Variants in SYNE1 observed in about 807,000 individuals in gnomAD.
The protein encoded by SYNE1 is spectrin repeat containing nuclear envelope protein 1.
SYNE1 carries 616 observed loss-of-function variants against 1,111.0 expected under a neutral mutation model. That is an observed-to-expected ratio of 0.55 (90% CI 0.52 to 0.59). The LOEUF (loss-of-function observed/expected upper bound fraction) is 0.59, where lower values mean the gene tolerates loss of function less well. SYNE1 is among the 20% of genes least tolerant of loss of function. SYNE1 has a pLI of 0.00. For missense variants in SYNE1, 10,006 were observed against 10,417.0 expected (o/e 0.96, Z 1.72); for synonymous variants, 3,855 against 3,825.8 (o/e 1.01, Z -0.28).
At chr6:152,406,967 G>A (rs760648041) in intron 45 of SYNE1, 47 bp downstream of exon 45, 30 of 1,513,922 alleles carry the variant, frequency 2.0e-5, no homozygotes, top group Non-Finnish European at 2.7e-5. Flanking sequence ...TCATATTCTG[G>A]TCAACAATAT....
At chr6:152,297,725 A>G (rs2094946894) in intron 93 of SYNE1, among the ~76,000 whole-genome samples, 1 of 152,234 alleles carries the variant, frequency 6.6e-6, no homozygotes, top group African/African-American at 2.4e-5. Flanking sequence ...AAGGCTCCCA[A>G]AAGAGCTAGA....
At chr6:152,475,302 A>G (rs1256957008) in intron 14 of SYNE1, among the ~76,000 whole-genome samples, 1 of 152,216 alleles carries the variant, frequency 6.6e-6, no homozygotes, top group Non-Finnish European at 1.5e-5. Context: ...AAAATGTTGT[A>G]AGTCAAAAAT....
intron 142 of SYNE1, 154 bp from the exon 143 acceptor site, chr6:152,133,642 C>T (rs1354041303): frequency 5.3e-6 from 4 of 760,170 alleles, no homozygotes; most frequent in African/African-American, 5.2e-5. Context: ...CAGCTCACGG[C>T]CTGAGTTCTA....
intron 15 of SYNE1, chr6:152,472,100 G>T (rs2098809082): frequency 1.6e-6 from 1 of 614,214 alleles, no homozygotes. Flanking sequence ...CTAGGCTGTG[G>T]ATAAATTCAG....
At chr6:152,280,107 A>G (rs2093941285) in intron 97 of SYNE1, among the ~76,000 whole-genome samples, 2 of 152,196 alleles carry the variant, frequency 1.3e-5, no homozygotes. Context: ...AAGTGCCCAG[A>G]CCCACAAAGG....
rs1305675023 is a variant in SYNE1 at position 152,515,376 on chromosome 6, C to T, written c.310-4273G>A. ...ATCCATTACTGCTTTCCACTAGTTG[C>T]TTTCTACAATGAGGTATCAGGTACC... On this transcript the variant is annotated intron_variant, in intron 6 of 145. Transcript: ENST00000367255. Among the ~76,000 whole-genome samples the T allele has an allele frequency of 3.3e-5, 5 of 152,138 alleles. No individual in the cohort carries two copies. In the South Asian group the frequency reaches 6.2e-4, roughly 19 times the overall value.
intron 3 of SYNE1, among the ~76,000 whole-genome samples, chr6:152,553,731 C>T (rs927290938): frequency 4.6e-5 from 7 of 152,086 alleles, no homozygotes; most frequent in African/African-American, 7.2e-5. Flanking sequence ...TTTGCATCTG[C>T]CTTGGTATTA....
At chr6:152,250,842 T>G (rs1028885658) in intron 104 of SYNE1, among the ~76,000 whole-genome samples, 13 of 152,224 alleles carry the variant, frequency 8.5e-5, no homozygotes, top group African/African-American at 3.1e-4. Context: ...TATGTGTGTA[T>G]AGTGACATTC....
chr6:152,439,851 T>C (rs2098512261), intron 32 of SYNE1, among the ~76,000 whole-genome samples: 1 of 152,136 alleles, frequency 6.6e-6, no homozygotes, highest in African/African-American at 2.4e-5. Flanking sequence ...TTGGTACAAA[T>C]TGGTTGGTCT....
chr6:152,629,546 G>GGGGGGGGGGGGT (rs2099694051), intron 2 of SYNE1, among the ~76,000 whole-genome samples: 1 of 112,782 alleles, frequency 8.9e-6, no homozygotes, highest in Non-Finnish European at 1.9e-5. Context: ...GGAGGGGGAG[G>GGGGGGGGGGGGT]GGAGGAGGGG....
intron 3 of SYNE1, among the ~76,000 whole-genome samples, chr6:152,611,447 C>G (rs561540196): frequency 1.3e-5 from 2 of 152,286 alleles, no homozygotes; most frequent in African/African-American, 4.8e-5. Flanking sequence ...GAAGAGCTAA[C>G]TATCCTAAAT....
chr6:152,315,243 C>T (rs1212967230), intron 87 of SYNE1: 1 of 142,072 alleles, frequency 7.0e-6, no homozygotes, highest in Non-Finnish European at 1.5e-5. Flanking sequence ...TCACTGTCAC[C>T]CAGGCTGGAG....
intron 131 of SYNE1, among the ~76,000 whole-genome samples, chr6:152,157,868 C>T (rs1015645681): frequency 1.3e-5 from 2 of 151,942 alleles, no homozygotes; most frequent in Non-Finnish European, 2.9e-5. Context: ...TCCTCATTCT[C>T]CTGCCTCAGC....
At position 152,206,226 on chromosome 6, in the gene SYNE1, C is replaced by G. The variant is rs758459607; in HGVS notation, c.22961G>C (p.Trp7654Ser). 7 of 1,613,732 alleles carry G rather than the reference C, an allele frequency of 4.3e-6. No homozygotes were observed. The Admixed American group carries it at 1.0e-4, about 23-fold the overall frequency. Reference sequence around the variant, plus strand: ...TTCCAGCCGCATGCTGGCTGATTTCCATTTCTCTTGGATTTCAGCGAGTTC... The same window carrying G: ...TTCCAGCCGCATGCTGGCTGATTTCGATTTCTCTTGGATTTCAGCGAGTTC... The part of the protein sequence containing the change: ...QAELAEIQEK[W>S]KSASMRLEEQ... The change falls in exon 126 of 146, where the codon TGG (tryptophan) becomes TCG (serine). Residue 7654 changes from tryptophan (W) to serine (S), a missense_variant. Trp to Ser is a radical substitution (Grantham distance 177). Transcript: ENST00000367255.
At chr6:152,426,126 T>C (rs2098349848) in intron 38 of SYNE1, among the ~76,000 whole-genome samples, 1 of 152,156 alleles carries the variant, frequency 6.6e-6, no homozygotes, top group East Asian at 1.9e-4. Flanking sequence ...TTAAGTGCTG[T>C]GAGGTGCATA....
intron 28 of SYNE1, among the ~76,000 whole-genome samples, chr6:152,447,980 C>T (rs2098606954): frequency 6.6e-6 from 1 of 152,122 alleles, no homozygotes; most frequent in African/African-American, 2.4e-5. Context: ...TTCCTTTGAG[C>T]TGGAAAGAAG....
At chr6:152,204,122 G>C (rs951948331) in intron 126 of SYNE1, among the ~76,000 whole-genome samples, 2 of 152,060 alleles carry the variant, frequency 1.3e-5, no homozygotes, top group African/African-American at 4.8e-5. Context: ...CTAGCACTTT[G>C]GGAGGCCAAG....
At chr6:152,412,758 C>CA (rs67798557) in intron 42 of SYNE1, among the ~76,000 whole-genome samples, 7 of 151,232 alleles carry the variant, frequency 4.6e-5, no homozygotes, top group South Asian at 2.1e-4. Flanking sequence ...TACAACAAAA[C>CA]AAAAAAAAGT....
chr6:152,627,666 C>T (rs989346137), intron 3 of SYNE1, among the ~76,000 whole-genome samples: 2 of 151,854 alleles, frequency 1.3e-5, no homozygotes, highest in East Asian at 1.9e-4. Flanking sequence ...TAAAAAAAAT[C>T]AAAAGCAGAG....
Sources: allele counts gnomAD v4.1 joint callset (sites outside exome capture counted in the v4.1 genomes callset), GRCh38; gene constraint gnomAD v4.1.1; transcripts MANE v1.5; gene names NCBI Gene and HGNC (gene_info 2026-07-23, HGNC 2026-07-21).